PTPRQ: variants seen among roughly 807,000 people sequenced by gnomAD.
The protein encoded by PTPRQ is protein tyrosine phosphatase receptor type Q.
In PTPRQ, 199 loss-of-function variants were observed where a neutral mutation model predicts 246.0. The observed-to-expected ratio is 0.81, with a 90% CI of 0.72 to 0.91. The LOEUF is 0.91. Among genes scored for constraint, PTPRQ ranks in the 40% least tolerant of loss-of-function variants. The probability of loss-of-function intolerance (pLI) is 0.00; values close to 1 mark genes in which losing one functional copy is unlikely to be tolerated. For synonymous variants in PTPRQ, 869 were observed against 853.2 expected (o/e 1.02, Z -0.32); for missense variants, 2,624 against 2,528.4 (o/e 1.04, Z -0.81).
At chr12:80,599,000 A>G (rs957907922) in intron 26 of PTPRQ, among the ~76,000 whole-genome samples, 1 of 151,972 alleles carries the variant, frequency 6.6e-6, no homozygotes, top group African/African-American at 2.4e-5. Flanking sequence ...AGTATCAGGC[A>G]CAACAAAACT....
intron 43 of PTPRQ, among the ~76,000 whole-genome samples, chr12:80,675,725 C>A (rs1901114624): frequency 6.6e-6 from 1 of 152,150 alleles, no homozygotes; most frequent in African/African-American, 2.4e-5. Context: ...TTATAAACTT[C>A]ATACATTATT....
chr12:80,494,124 G>A (rs541581380), intron 10 of PTPRQ, among the ~76,000 whole-genome samples: 5 of 151,854 alleles, frequency 3.3e-5, no homozygotes, highest in Non-Finnish European at 7.4e-5. Context: ...GGTAGAATTA[G>A]TAAAAAAAAA....
intron 25 of PTPRQ, among the ~76,000 whole-genome samples, chr12:80,580,522 G>A (rs1005822974): frequency 1.3e-5 from 2 of 152,118 alleles, no homozygotes; most frequent in South Asian, 2.1e-4. Context: ...TAGGGCAGTT[G>A]CCTTGAAATA....
At chr12:80,676,405 G>A (rs1275808987) in intron 43 of PTPRQ, among the ~76,000 whole-genome samples, 4 of 152,152 alleles carry the variant, frequency 2.6e-5, no homozygotes, top group Non-Finnish European at 5.9e-5. Context: ...CACTTTGGGA[G>A]GCCAAGGTGG....
intron 39 of PTPRQ, 72 bp from the exon 40 acceptor site, chr12:80,668,935 T>C: frequency 1.0e-5 from 15 of 1,453,010 alleles, no homozygotes; most frequent in Non-Finnish European, 1.3e-5. Context: ...ATATGTTTCA[T>C]GCATTGATCG....
At chr12:80,556,035 A>AT (rs960053723) in intron 25 of PTPRQ, among the ~76,000 whole-genome samples, 57 of 150,388 alleles carry the variant, frequency 3.8e-4, no homozygotes, top group South Asian at 3.6e-3. Context: ...TGGCTTGAAG[A>AT]TTTTTTTTTT....
intron 33 of PTPRQ, among the ~76,000 whole-genome samples, chr12:80,626,085 A>T (rs1899191381): frequency 6.6e-6 from 1 of 152,178 alleles, no homozygotes; most frequent in African/African-American, 2.4e-5. Flanking sequence ...TTTAATTACT[A>T]TGCTAACAAT....
rs186864322 is a variant in PTPRQ, at chr12:80,526,263, G to A, written c.2679-7752G>A. 1.1e-4 allele frequency among the ~76,000 whole-genome samples: 17 copies of A among 152,276 alleles called. No homozygotes were observed. In the East Asian group the frequency reaches 3.3e-3, roughly 29 times the overall value. On this transcript the variant is annotated intron_variant, in intron 17 of 44. Transcript: ENST00000644991. ...TTTACAGAAAGGAAGATTGCAGAGA[G>A]GCTAGATTTGGGAGCTAAAGCTTTG... is the stretch of plus-strand genomic sequence containing the variant.
chr12:80,454,667 T>A (rs1892911645), intron 3 of PTPRQ: 1 of 622,290 alleles, frequency 1.6e-6, no homozygotes, highest in African/African-American at 1.8e-5. Flanking sequence ...TTGAGGGTTT[T>A]TATCATGAAG....
intron 6 of PTPRQ, among the ~76,000 whole-genome samples, chr12:80,467,104 C>T (rs1254497036): frequency 6.6e-6 from 1 of 152,198 alleles, no homozygotes; most frequent in Non-Finnish European, 1.5e-5. Context: ...TCACAACCTA[C>T]TCATCTGACA....
At chr12:80,632,430 A>G in intron 34 of PTPRQ, 139 bp downstream of exon 34, 1 of 1,243,474 alleles carries the variant, frequency 8.0e-7, no homozygotes, top group Non-Finnish European at 1.1e-6. Flanking sequence ...AAATGTATTT[A>G]TCATGTACAA....
In PTPRQ at chr12:80,496,014, C is replaced by G; in HGVS notation, c.1898C>G (p.Thr633Arg). ...SFLITGLKKY[T>R]KYKMRVAAST... Reference sequence around the variant, plus strand: ...GTCCTTATAGGGTTAAAGAAATACACAAAATACAAAATGAGAGTGGCAGCC... The same window carrying G: ...GTCCTTATAGGGTTAAAGAAATACAGAAAATACAAAATGAGAGTGGCAGCC... The change falls in exon 13 of 45, where the codon ACA (threonine) becomes AGA (arginine). Residue 633 changes from threonine (T) to arginine (R), a missense_variant. Coordinates refer to ENST00000644991, the MANE Select transcript of PTPRQ (RefSeq NM_001145026.2). 1 of 1,549,650 alleles carries G rather than the reference C, an allele frequency of 6.5e-7. No individual in the cohort carries two copies. The highest frequency in any genetic ancestry group is 8.7e-7 in the Non-Finnish European group (1 of 1,145,976).
intron 42 of PTPRQ, among the ~76,000 whole-genome samples, chr12:80,671,017 C>T (rs931077453): frequency 6.6e-6 from 1 of 151,914 alleles, no homozygotes; most frequent in African/African-American, 2.4e-5. Context: ...GTAACAATAA[C>T]TTTTAATATT....
rs192336485 is a variant in PTPRQ, at chr12:80,454,695, A to C, written c.391-2880A>C. 5.4e-4 allele frequency: 299 copies of C among 557,380 alleles called. 1 individual carries two copies. The highest frequency in any genetic ancestry group is 4.6e-3 in the African/African-American group (243 of 52,938). The allele number at this position is 557,380 out of a possible 1,614,324, so 34.5% of individuals were successfully genotyped here. A position where few individuals can be genotyped will look rare whatever the true frequency, so the allele number is the denominator to read the frequency against. On this transcript the variant is annotated intron_variant, in intron 3 of 44. Coordinates refer to ENST00000644991, the MANE Select transcript of PTPRQ (RefSeq NM_001145026.2). ...TCATGAAGGGATATTGGATTTTATTAAATGCTTTTCCTGCATCTGTTGAGA... is the reference window on the plus strand; with the variant it reads ...TCATGAAGGGATATTGGATTTTATTCAATGCTTTTCCTGCATCTGTTGAGA...
At position 80,622,808 on chromosome 12, in the gene PTPRQ, T is replaced by C. The variant is rs78339909; in HGVS notation, c.5686+674T>C. 9.6e-3 allele frequency among the ~76,000 whole-genome samples: 1,461 copies of C among 152,172 alleles called. 32 individuals carry two copies. Among genetic ancestry groups the C allele is most frequent in the African/African-American group, 0.033 (1,357 of 41,548 alleles). ...TGGGAAAATATTGATAAGAGTATCA[T>C]CCTTGAGGGGTTGTTGAAGTTTTGT... On this transcript the variant is annotated intron_variant, in intron 33 of 44. Coordinates refer to ENST00000644991, the MANE Select transcript of PTPRQ (RefSeq NM_001145026.2).
intron 25 of PTPRQ, among the ~76,000 whole-genome samples, chr12:80,560,024 C>T (rs776669000): frequency 6.6e-6 from 1 of 152,168 alleles, no homozygotes; most frequent in Non-Finnish European, 1.5e-5. Context: ...CATGTGGACA[C>T]CTCTTAAAAG....
chr12:80,516,631 A>C (rs2120738241), intron 17 of PTPRQ, among the ~76,000 whole-genome samples: 1 of 152,354 alleles, frequency 6.6e-6, no homozygotes, highest in South Asian at 2.1e-4. Context: ...GTAACATAAA[A>C]GATTACCTTT....
intron 9 of PTPRQ, among the ~76,000 whole-genome samples, chr12:80,487,561 A>AT (rs1894319102): frequency 6.6e-6 from 1 of 152,040 alleles, no homozygotes; most frequent in Admixed American, 6.6e-5. Flanking sequence ...TATATGTCTG[A>AT]TGTTTGTCTT....
At chr12:80,507,740 A>G (rs895294370) in intron 16 of PTPRQ, among the ~76,000 whole-genome samples, 2 of 151,860 alleles carry the variant, frequency 1.3e-5, no homozygotes, top group Non-Finnish European at 2.9e-5. Context: ...TTGCTTTTCC[A>G]TCAAAACTTA....
Sources: gnomAD v4.1 joint callset for allele counts (sites outside exome capture counted in the v4.1 genomes callset) on GRCh38, gnomAD v4.1.1 for gene constraint, MANE v1.5 for transcripts, NCBI Gene and HGNC (gene_info 2026-07-23, HGNC 2026-07-21) for gene names.